MRPL47: variants seen among roughly 807,000 people sequenced by gnomAD.
MRPL47 encodes mitochondrial ribosomal protein L47.
Under a neutral mutation model 34.0 loss-of-function variants are expected in MRPL47, and 31 were observed. The ratio of observed to expected loss-of-function variants is 0.91; its 90% CI spans 0.68 to 1.23. MRPL47 has a LOEUF of 1.23. MRPL47 is among the 50% of genes most tolerant of loss of function. The probability of loss-of-function intolerance (pLI) is 0.00; values close to 1 mark genes in which losing one functional copy is unlikely to be tolerated. For synonymous variants in MRPL47, 106 were observed against 101.6 expected (o/e 1.04, Z -0.26); for missense variants, 328 against 285.8 (o/e 1.15, Z -1.07).
rs753089551 is a variant in MRPL47 at position 179,588,921 on chromosome 3, A to G, written c.704T>C (p.Leu235Ser). 2 of 1,613,768 alleles carry G rather than the reference A, an allele frequency of 1.2e-6. No homozygotes were observed. Among genetic ancestry groups the G allele is most frequent in the South Asian group, 2.2e-5 (2 of 91,026 alleles). ...TTCAGCAAGATGTGGAAACTTTTTTAAAAGAATTTTTGCTTTCTTTCTCTC... is the reference window on the plus strand; with the variant it reads ...TTCAGCAAGATGTGGAAACTTTTTTGAAAGAATTTTTGCTTTCTTTCTCTC... ...NLERKKAKIL[L>S]KKFPHLAEAQ... Residue 235 changes from leucine to serine, a missense_variant, in exon 7 of 7, where the codon TTA becomes TCA. By Grantham distance (145) the Leu-to-Ser change is moderately radical. Coordinates refer to ENST00000476781, the MANE Select transcript of MRPL47 (RefSeq NM_020409.3).
intron 4 of MRPL47, among the ~76,000 whole-genome samples, chr3:179,595,789 A>C (rs1477585015): frequency 1.3e-5 from 2 of 152,232 alleles, no homozygotes; most frequent in African/African-American, 4.8e-5. Flanking sequence ...AAAACAAGTC[A>C]ACCTCAAAGA....
intron 1 of MRPL47, 149 bp downstream of exon 1, chr3:179,604,378 G>A (rs930094207): frequency 3.0e-6 from 2 of 671,576 alleles, no homozygotes; most frequent in Non-Finnish European, 5.1e-6. Flanking sequence ...ACTTCTCCAA[G>A]GTCACTCACT....
At chr3:179,590,620 C>T (rs574515177) in intron 6 of MRPL47, among the ~76,000 whole-genome samples, 2 of 150,648 alleles carry the variant, frequency 1.3e-5, no homozygotes, top group Non-Finnish European at 2.9e-5. Flanking sequence ...TGCAGGAATA[C>T]TGGGAGGAAA....
chr3:179,596,054 T>C (rs956082075), intron 4 of MRPL47, among the ~76,000 whole-genome samples: 9 of 152,232 alleles, frequency 5.9e-5, no homozygotes, highest in East Asian at 3.8e-4. Context: ...GTGTGATAAA[T>C]AGATACTAAT....
intron 4 of MRPL47, 113 bp from the exon 5 acceptor site, chr3:179,594,008 G>T: frequency 2.1e-6 from 2 of 962,968 alleles, no homozygotes; most frequent in Non-Finnish European, 3.1e-6. Context: ...TTATGCCAAA[G>T]AACCACTCTG....
chr3:179,599,016 A>G (rs762762711), intron 3 of MRPL47, among the ~76,000 whole-genome samples: 16 of 152,084 alleles, frequency 1.1e-4, no homozygotes, highest in Non-Finnish European at 1.6e-4. Context: ...AATAAAAAAT[A>G]TAATTAGCCG....
chr3:179,598,017 T>C (rs1323755522), intron 4 of MRPL47, among the ~76,000 whole-genome samples: 1 of 152,190 alleles, frequency 6.6e-6, no homozygotes, highest in African/African-American at 2.4e-5. Flanking sequence ...TATAGCTACT[T>C]TAGAATACAG....
chr3:179,594,268 T>C (rs1454648857), intron 4 of MRPL47, among the ~76,000 whole-genome samples: 2 of 152,200 alleles, frequency 1.3e-5, no homozygotes, highest in African/African-American at 4.8e-5. Context: ...AAAGACATGT[T>C]CTGGTCTCAA....
At chr3:179,595,461 C>T (rs1718770681) in intron 4 of MRPL47, among the ~76,000 whole-genome samples, 1 of 152,144 alleles carries the variant, frequency 6.6e-6, no homozygotes, top group South Asian at 2.1e-4. Context: ...TCTACAAAAT[C>T]CCTGAAAAAG....
intron 6 of MRPL47, 113 bp downstream of exon 6, chr3:179,592,531 G>C (rs577569971): frequency 1.5e-6 from 1 of 654,952 alleles, no homozygotes; most frequent in South Asian, 2.3e-5. Context: ...TGTAATAACA[G>C]AAATTAAAAT....
Position 179,589,002 on chromosome 3 carries a change from T to C in MRPL47, c.630-7A>G, listed in dbSNP as rs1718599287. The C allele has an allele frequency of 6.3e-7, 1 of 1,593,112 alleles. No individual in the cohort carries two copies. Among genetic ancestry groups the C allele is most frequent in the Non-Finnish European group, 8.5e-7 (1 of 1,173,296 alleles). On this transcript the variant is annotated splice_region_variant and splice_polypyrimidine_tract_variant and intron_variant, in intron 6 of 6. Transcript: ENST00000476781. ...TCGTTTCTCACGTTCCAGTCTAGAATAAAAAAAGCGTAACAGCAATTTATA... is the reference window on the plus strand; with the variant it reads ...TCGTTTCTCACGTTCCAGTCTAGAACAAAAAAAGCGTAACAGCAATTTATA...
chr3:179,603,771 AATT>A (rs1403296296), intron 1 of MRPL47, among the ~76,000 whole-genome samples: 1 of 152,182 alleles, frequency 6.6e-6, no homozygotes, highest in African/African-American at 2.4e-5. Context: ...CTGGATGATA[AATT>A]ATTATGCAGT....
At chr3:179,600,305 C>T (rs1718897578) in intron 3 of MRPL47, among the ~76,000 whole-genome samples, 1 of 152,098 alleles carries the variant, frequency 6.6e-6, no homozygotes, top group East Asian at 1.9e-4. Flanking sequence ...CTTCACAATT[C>T]TTTAATTTGT....
intron 4 of MRPL47, among the ~76,000 whole-genome samples, chr3:179,598,430 A>ACACACACACAAAC (rs1491589511): frequency 3.5e-5 from 4 of 114,170 alleles, no homozygotes; most frequent in Admixed American, 9.0e-5. Context: ...ACACACAAAC[A>ACACACACACAAAC]AAAAAAAAAA....
Position 179,591,280 on chromosome 3 carries a change from T to C in MRPL47, c.629+1364A>G, listed in dbSNP as rs542164744. 9.2e-5 allele frequency among the ~76,000 whole-genome samples: 14 copies of C among 152,338 alleles called. No individual in the cohort carries two copies. The South Asian group carries it at 2.9e-3, about 32-fold the overall frequency. Reference sequence around the variant, plus strand: ...TTAGCCAGGAGCCCTTCGGTTCCTCTGCCCTGTCTCTCTCTGGAGCCACAG... The same window carrying C: ...TTAGCCAGGAGCCCTTCGGTTCCTCCGCCCTGTCTCTCTCTGGAGCCACAG... On this transcript the variant is annotated intron_variant, in intron 6 of 6. Coordinates refer to ENST00000476781, the MANE Select transcript of MRPL47 (RefSeq NM_020409.3).
chr3:179,603,101 T>C (rs1718968210), intron 1 of MRPL47, among the ~76,000 whole-genome samples: 1 of 152,114 alleles, frequency 6.6e-6, no homozygotes, highest in African/African-American at 2.4e-5. Context: ...CTTTAGAAAG[T>C]ATTGTTAATA....
chr3:179,598,586 A>G, intron 4 of MRPL47, 89 bp downstream of exon 4: 2 of 858,976 alleles, frequency 2.3e-6, no homozygotes, highest in Admixed American at 4.0e-5. Flanking sequence ...AGAAAAAAAA[A>G]TCTATTTGAC....
chr3:179,588,972 C>T lies in MRPL47; in HGVS notation c.653G>A (p.Arg218His), dbSNP rs371604347. 5.6e-5 allele frequency: 91 copies of T among 1,611,684 alleles called. No individual in the cohort carries two copies. In the East Asian group the frequency reaches 1.0e-3, roughly 18 times the overall value. ...TAAATTTTCCTTCCGTGCTTTGATG[C>T]GGGCTCGTTTCTCACGTTCCAGTCT... ...FLRLEREKRA[R>H]IKARKENLER... The change falls in exon 7 of 7, where the codon CGC becomes CAC. Residue 218 changes from arginine to histidine, a missense_variant. Physicochemically the swap from Arg to His is conservative, Grantham distance 29. Transcript: ENST00000476781.
At chr3:179,603,317 A>T (rs939448163) in intron 1 of MRPL47, among the ~76,000 whole-genome samples, 3 of 152,036 alleles carry the variant, frequency 2.0e-5, no homozygotes, top group African/African-American at 7.2e-5. Context: ...TGGGAGGATC[A>T]CTTTGAGCCC....
Sources: allele counts gnomAD v4.1 joint callset (sites outside exome capture counted in the v4.1 genomes callset), GRCh38; gene constraint gnomAD v4.1.1; transcripts MANE v1.5; gene names NCBI Gene and HGNC (gene_info 2026-07-23, HGNC 2026-07-21).